NELL1: variants seen among roughly 807,000 people sequenced by gnomAD.
NELL1 encodes the protein protein kinase C-binding protein NELL1.
Under a neutral mutation model 107.4 loss-of-function variants are expected in NELL1, and 76 were observed. That is an observed-to-expected ratio of 0.71 (90% CI 0.59 to 0.86). The LOEUF is 0.86. NELL1 is among the 40% of genes least tolerant of loss of function. The pLI, the probability that NELL1 is intolerant of heterozygous loss-of-function variation, is 0.00. For synonymous variants in NELL1, 353 were observed against 341.2 expected, an observed-to-expected ratio of 1.03 and a Z score of -0.38; for missense variants, 1,024 against 1,005.5, an observed-to-expected ratio of 1.02 and a Z score of -0.25.
intron 12 of NELL1, among the ~76,000 whole-genome samples, chr11:21,073,579 T>C (rs1176742566): frequency 6.6e-6 from 1 of 152,202 alleles, no homozygotes; most frequent in Non-Finnish European, 1.5e-5. Context: ...AGCCCATGTA[T>C]GGCATCACAG....
intron 15 of NELL1, among the ~76,000 whole-genome samples, chr11:21,412,232 A>T (rs1333261840): frequency 1.3e-5 from 2 of 152,058 alleles, no homozygotes; most frequent in African/African-American, 4.8e-5. Flanking sequence ...TCTGTTAGAG[A>T]TATTTTTTCC....
At chr11:21,116,810 G>A (rs1222593299) in intron 13 of NELL1, among the ~76,000 whole-genome samples, 1 of 151,834 alleles carries the variant, frequency 6.6e-6, no homozygotes, top group African/African-American at 2.4e-5. Context: ...CATCACATTG[G>A]ACTTTCTGTT....
At chr11:21,159,946 C>T (rs181845267) in intron 13 of NELL1, among the ~76,000 whole-genome samples, 1 of 152,280 alleles carries the variant, frequency 6.6e-6, no homozygotes, top group Non-Finnish European at 1.5e-5. Flanking sequence ...CCAGATGTGT[C>T]CCAAGACCTA....
At chr11:21,568,547 CACTT>C (rs1564965314) in intron 17 of NELL1, among the ~76,000 whole-genome samples, 1 of 139,564 alleles carries the variant, frequency 7.2e-6, no homozygotes, top group Non-Finnish European at 1.5e-5. Flanking sequence ...TGTGTAATAA[CACTT>C]AGTTTAAAAC....
intron 14 of NELL1, among the ~76,000 whole-genome samples, chr11:21,327,131 C>T (rs527875578): frequency 8.0e-6 from 1 of 124,904 alleles, no homozygotes; most frequent in African/African-American, 3.1e-5. Context: ...TTATGCTGTT[C>T]TTGTGACAGT....
At chr11:20,842,240 G>C (rs1025622741) in intron 3 of NELL1, among the ~76,000 whole-genome samples, 1 of 152,030 alleles carries the variant, frequency 6.6e-6, no homozygotes, top group African/African-American at 2.4e-5. Flanking sequence ...AACCAGGCAT[G>C]GTGGTGGGGT....
chr11:20,858,298 G>T (rs1325833895), intron 4 of NELL1, among the ~76,000 whole-genome samples: 1 of 152,130 alleles, frequency 6.6e-6, no homozygotes, highest in Non-Finnish European at 1.5e-5. Flanking sequence ...GATAGGTCTA[G>T]CCAGAGCACT....
chr11:21,561,100 T>A (rs1856840895), intron 17 of NELL1, among the ~76,000 whole-genome samples: 1 of 152,140 alleles, frequency 6.6e-6, no homozygotes, highest in Non-Finnish European at 1.5e-5. Flanking sequence ...GTTATTGCTC[T>A]ACTGTAGCTC....
intron 3 of NELL1, among the ~76,000 whole-genome samples, chr11:20,788,837 G>A (rs1857020580): frequency 6.6e-6 from 1 of 151,692 alleles, no homozygotes; most frequent in East Asian, 1.9e-4. Flanking sequence ...GATATATTTT[G>A]AGTTACTTTC....
chr11:20,719,429 CACACA>C (rs1479905691), intron 2 of NELL1, among the ~76,000 whole-genome samples: 1 of 151,824 alleles, frequency 6.6e-6, no homozygotes, highest in East Asian at 1.9e-4. Context: ...AACACACACA[CACACA>C]CACACACACA....
intron 15 of NELL1, among the ~76,000 whole-genome samples, chr11:21,408,465 A>G (rs1202474562): frequency 1.3e-5 from 2 of 152,076 alleles, no homozygotes; most frequent in African/African-American, 4.8e-5. Context: ...CTTTTGCTAT[A>G]GTTTTCCTAG....
At chr11:21,078,284 A>G (rs1854188250) in intron 12 of NELL1, among the ~76,000 whole-genome samples, 1 of 152,114 alleles carries the variant, frequency 6.6e-6, no homozygotes, top group Non-Finnish European at 1.5e-5. Context: ...TATGATGATA[A>G]TAAAAAGTTT....
chr11:21,387,545 C>T (rs193126701), intron 15 of NELL1, among the ~76,000 whole-genome samples: 9 of 151,956 alleles, frequency 5.9e-5, no homozygotes, highest in Admixed American at 2.6e-4. Context: ...GTAGTACGGA[C>T]AAGATTATAG....
intron 2 of NELL1, among the ~76,000 whole-genome samples, chr11:20,752,805 T>A (rs182575513): frequency 1.3e-5 from 2 of 152,320 alleles, no homozygotes; most frequent in East Asian, 3.9e-4. Context: ...ACATTACTTT[T>A]CACTCAAATT....
At chr11:21,140,124 C>G (rs1192437254) in intron 13 of NELL1, among the ~76,000 whole-genome samples, 1 of 152,174 alleles carries the variant, frequency 6.6e-6, no homozygotes, top group East Asian at 1.9e-4. Flanking sequence ...GGCAGATACA[C>G]TGATTCGCTG....
intron 12 of NELL1, among the ~76,000 whole-genome samples, chr11:21,086,671 C>A (rs12295652): frequency 0.013 from 2,018 of 152,134 alleles, 44 homozygotes; most frequent in African/African-American, 0.046. Flanking sequence ...ATTCATTAAC[C>A]CTTTATCAAC....
chr11:20,804,512 A>T (rs1857342117), intron 3 of NELL1, among the ~76,000 whole-genome samples: 1 of 152,224 alleles, frequency 6.6e-6, no homozygotes, highest in South Asian at 2.1e-4. Flanking sequence ...CTGGGAATAC[A>T]GGCAATTTTA....
At chr11:21,220,780 G>C (rs1393100931) in intron 13 of NELL1, among the ~76,000 whole-genome samples, 1 of 151,972 alleles carries the variant, frequency 6.6e-6, no homozygotes, top group Non-Finnish European at 1.5e-5. Flanking sequence ...TGGAGCTTTT[G>C]GGTTTTTCAA....
At chr11:21,387,561 G>A (rs1167605505) in intron 15 of NELL1, among the ~76,000 whole-genome samples, 1 of 151,866 alleles carries the variant, frequency 6.6e-6, no homozygotes, top group African/African-American at 2.4e-5. Context: ...TATAGGATTA[G>A]GAGGTGTCAG....
Sources: allele counts gnomAD v4.1 joint callset (sites outside exome capture counted in the v4.1 genomes callset), GRCh38; gene constraint gnomAD v4.1.1; transcripts MANE v1.5; gene names NCBI Gene and HGNC (gene_info 2026-07-23, HGNC 2026-07-21).